The following XG variants were observed in gnomAD, a reference collection of about 807,000 sequenced individuals.
XG encodes the protein glycoprotein Xg.
Under a neutral mutation model 25.7 loss-of-function variants are expected in XG, and 24 were observed. The observed-to-expected ratio is 0.93, with a 90% CI of 0.68 to 1.31. XG has a LOEUF of 1.31. XG is among the 40% of genes most tolerant of loss of function. The pLI is 0.00. For missense variants in XG, 181 were observed against 187.6 expected, an observed-to-expected ratio of 0.96 and a Z score of 0.21; for synonymous variants, 77 against 69.2, an observed-to-expected ratio of 1.11 and a Z score of -0.56.
At chrX:2,760,671 G>A (rs1317149842) in intron 1 of XG, among the ~76,000 whole-genome samples, 1 of 149,438 alleles carries the variant, frequency 6.7e-6, no homozygotes, top group Non-Finnish European at 1.5e-5. Flanking sequence ...GGAGGTGGAG[G>A]TTGCAGTGAG....
At chrX:2,785,516 T>A (rs2147064790) in intron 4 of XG, among the ~76,000 whole-genome samples, 1 of 112,008 alleles carries the variant, frequency 8.9e-6, no homozygotes, top group African/African-American at 3.2e-5. Context: ...TGACTAACTT[T>A]TTTTTTCCAG....
chrX:2,793,768 G>C (rs2086857962), intron 5 of XG, among the ~76,000 whole-genome samples: 1 of 111,797 alleles, frequency 8.9e-6, no homozygotes, highest in Admixed American at 9.5e-5. Context: ...AAAGAGAAAA[G>C]GAGAGTGGAT....
intron 4 of XG, 128 bp downstream of exon 4, chrX:2,782,256 GTTTC>G (rs1253270810): frequency 7.8e-6 from 6 of 765,577 alleles, no homozygotes; most frequent in Non-Finnish European, 1.2e-5. Flanking sequence ...TGGGAATGTA[GTTTC>G]TTTCCTCACT....
At chrX:2,762,433 C>T (rs1239187560) in intron 1 of XG, among the ~76,000 whole-genome samples, 1 of 151,908 alleles carries the variant, frequency 6.6e-6, no homozygotes, top group African/African-American at 2.4e-5. Flanking sequence ...TTCATGGGTT[C>T]CGAGGAGCAG....
chrX:2,776,446 A>C (rs189719525), intron 3 of XG, among the ~76,000 whole-genome samples: 9,201 of 152,044 alleles, frequency 0.061, 245 homozygotes, highest in Middle Eastern at 0.13. Flanking sequence ...AGCTCGCCAC[A>C]GTATCTTATC....
At chrX:2,810,459 G>C (rs368464978) in intron 9 of XG, among the ~76,000 whole-genome samples, 62 of 110,398 alleles carry the variant, frequency 5.6e-4, no homozygotes, top group African/African-American at 1.9e-3. Flanking sequence ...GTTTTTAGTG[G>C]AACAATATTT....
intron 4 of XG, among the ~76,000 whole-genome samples, chrX:2,788,871 A>G (rs1202787512): frequency 9.2e-6 from 1 of 109,220 alleles, no homozygotes; most frequent in Admixed American, 9.8e-5. Context: ...AAAAAGTCCT[A>G]GGGCAGAAAG....
At chrX:2,755,449 T>TG (rs201152062) in intron 1 of XG, among the ~76,000 whole-genome samples, 5,170 of 152,280 alleles carry the variant, frequency 0.034, 105 homozygotes, top group East Asian at 0.09. Flanking sequence ...ATCTGGGTTT[T>TG]GGTGGGTTCT....
At chrX:2,768,889 C>T (rs1403798265) in intron 1 of XG, among the ~76,000 whole-genome samples, 6 of 152,200 alleles carry the variant, frequency 3.9e-5, no homozygotes, top group East Asian at 1.9e-4. Context: ...TAACAGAGAA[C>T]GTCATCTGAG....
chrX:2,801,854 GC>G (rs1282416238), intron 7 of XG, among the ~76,000 whole-genome samples: 12 of 110,681 alleles, frequency 1.1e-4, no homozygotes, highest in Non-Finnish European at 2.3e-4. Flanking sequence ...GACTACAGGC[GC>G]CCGCCACCAC....
intron 7 of XG, 84 bp downstream of exon 7, chrX:2,797,444 G>A (rs775109605): frequency 7.6e-6 from 8 of 1,059,167 alleles, no homozygotes; most frequent in Non-Finnish European, 9.1e-6. Context: ...CTCTGCCCTG[G>A]GCCTTCTACC....
intron 3 of XG, among the ~76,000 whole-genome samples, chrX:2,778,673 T>C (rs951092419): frequency 7.2e-5 from 11 of 152,240 alleles, no homozygotes; most frequent in African/African-American, 2.4e-4. Context: ...AGGTCGCAGC[T>C]ATAAAACAAT....
At chrX:2,762,769 C>CT (rs1188278376) in intron 1 of XG, among the ~76,000 whole-genome samples, 1 of 152,138 alleles carries the variant, frequency 6.6e-6, no homozygotes, top group Admixed American at 6.5e-5. Context: ...TTTTTTTACT[C>CT]TGTGAATCAT....
chrX:2,753,381 G>T (rs2050372269), intron 1 of XG, among the ~76,000 whole-genome samples: 1 of 152,156 alleles, frequency 6.6e-6, no homozygotes, highest in African/African-American at 2.4e-5. Context: ...CCAGGAGTTT[G>T]TATCATTCAC....
intron 9 of XG, among the ~76,000 whole-genome samples, chrX:2,808,828 T>A (rs1372097267): frequency 1.8e-5 from 2 of 111,495 alleles, no homozygotes; most frequent in Admixed American, 1.9e-4. Context: ...AGAAAGTGAT[T>A]GAAGGTGACC....
At chrX:2,804,095 G>A (rs945918700) in intron 7 of XG, among the ~76,000 whole-genome samples, 3 of 112,149 alleles carry the variant, frequency 2.7e-5, no homozygotes, top group Non-Finnish European at 5.6e-5. Context: ...CACCCTCATC[G>A]GCCTCCCAAA....
chrX:2,784,527 G>A (rs5982854), intron 4 of XG, among the ~76,000 whole-genome samples: 13,669 of 102,884 alleles, frequency 0.13, 1,254 homozygotes, highest in African/African-American at 0.32. Flanking sequence ...CTGAGATGGC[G>A]CCACTGCACT....
At chrX:2,791,414 G>A (rs373400036) in intron 5 of XG, among the ~76,000 whole-genome samples, 9 of 111,257 alleles carry the variant, frequency 8.1e-5, no homozygotes, top group African/African-American at 2.9e-4. Flanking sequence ...AAGGAAACAA[G>A]CTTTGGGTAT....
At chrX:2,774,977 G>C (rs1253044103) in intron 3 of XG, 2 of 575,956 alleles carry the variant, frequency 3.5e-6, no homozygotes, top group South Asian at 2.1e-5. Context: ...AAAATAACAA[G>C]TGTTGGCAAG....
Sources: allele counts gnomAD v4.1 joint callset (sites outside exome capture counted in the v4.1 genomes callset), GRCh38; gene constraint gnomAD v4.1.1; transcripts MANE v1.5; gene names NCBI Gene and HGNC (gene_info 2026-07-23, HGNC 2026-07-21).